The following GABRA3 variants were observed in gnomAD, a reference collection of about 807,000 sequenced individuals.
The protein encoded by GABRA3 is gamma-aminobutyric acid receptor subunit alpha-3.
Under a neutral mutation model 30.1 loss-of-function variants are expected in GABRA3, and 10 were observed. That is an observed-to-expected ratio of 0.33 (90% CI 0.20 to 0.56). The LOEUF is 0.56. GABRA3 is among the 20% of genes least tolerant of loss of function. GABRA3 has a pLI of 0.89. For synonymous variants in GABRA3, 151 were observed against 146.8 expected (o/e 1.03, Z -0.21); for missense variants, 233 against 392.0 (o/e 0.59, Z 3.42).
Position 152,411,703 on chromosome X carries a change from A to T in GABRA3, c.-27+39443T>A, listed in dbSNP as rs1204607739. On this transcript the variant is annotated intron_variant, in intron 1 of 9. Coordinates refer to ENST00000370314, the MANE Select transcript of GABRA3 (RefSeq NM_000808.4). ...ATACAACACCAAAAGCACAAGGAAC[A>T]AAATAAAAGATAGATAAATTGGATT... 5.4e-5 allele frequency among the ~76,000 whole-genome samples: 6 copies of T among 111,826 alleles called. No homozygotes were observed. The Admixed American group carries it at 5.7e-4, about 11-fold the overall frequency.
chrX:152,215,640 T>C (rs1475868215), intron 6 of GABRA3, among the ~76,000 whole-genome samples: 1 of 111,183 alleles, frequency 9.0e-6, no homozygotes, highest in African/African-American at 3.3e-5. Context: ...TGCTATAAAA[T>C]TACTAGAAGA....
At chrX:152,302,557 CAT>C (rs959510455) in intron 3 of GABRA3, among the ~76,000 whole-genome samples, 1 of 111,293 alleles carries the variant, frequency 9.0e-6, no homozygotes, top group African/African-American at 3.3e-5. Flanking sequence ...AGCTTATAAA[CAT>C]AGCCTGAAGG....
chrX:152,443,914 G>T (rs933756689), intron 1 of GABRA3, among the ~76,000 whole-genome samples: 1 of 111,575 alleles, frequency 9.0e-6, no homozygotes, highest in Non-Finnish European at 1.9e-5. Context: ...CCGATGTGGG[G>T]AAATGCTCAC....
intron 6 of GABRA3, among the ~76,000 whole-genome samples, chrX:152,220,243 G>T (rs1937807013): frequency 9.0e-6 from 1 of 111,536 alleles, no homozygotes; most frequent in South Asian, 3.7e-4. Context: ...CAACGGCAAT[G>T]ATGGATAAAA....
At chrX:152,233,653 C>A (rs1938134936) in intron 5 of GABRA3, among the ~76,000 whole-genome samples, 1 of 107,984 alleles carries the variant, frequency 9.3e-6, no homozygotes, top group Non-Finnish European at 1.9e-5. Flanking sequence ...CCTCAGGGAT[C>A]TAGAACTAGA....
At chrX:152,448,745 TCATAATTTTCTTTATGAAAATTC>T (rs1394939618) in intron 1 of GABRA3, among the ~76,000 whole-genome samples, 1 of 112,068 alleles carries the variant, frequency 8.9e-6, no homozygotes, top group African/African-American at 3.2e-5. Context: ...TTAGAAAATT[TCATAATTTTCTTTATGAAAATTC>T]CTGCCACTCA....
At position 152,168,000 on chromosome X, in the gene GABRA3, T is replaced by G; in HGVS notation, c.*228A>C. On this transcript the variant is annotated 3_prime_UTR_variant, in exon 10 of 10. Transcript: ENST00000370314. ...AGACTAAGATGAGCAACTGGACAAATGGCAGTGTTTGGCTTTGATGGGGTT... is the reference window on the plus strand; with the variant it reads ...AGACTAAGATGAGCAACTGGACAAAGGGCAGTGTTTGGCTTTGATGGGGTT... 1 of 406,793 alleles carries G rather than the reference T, an allele frequency of 2.5e-6. No individual in the cohort carries two copies. The allele number at this position is 406,793 out of a possible 1,213,427, so 33.5% of individuals were successfully genotyped here.
chrX:152,182,308 T>C (rs1264535745), intron 9 of GABRA3, among the ~76,000 whole-genome samples: 1 of 94,907 alleles, frequency 1.1e-5, no homozygotes, highest in Non-Finnish European at 2.0e-5. Flanking sequence ...GTTATATATA[T>C]ATATACACAC....
intron 1 of GABRA3, among the ~76,000 whole-genome samples, chrX:152,418,140 T>C (rs1602719232): frequency 9.0e-6 from 1 of 111,588 alleles, no homozygotes. Context: ...GGCCATCAGA[T>C]ACCAGTAAAG....
chrX:152,388,918 GA>G (rs1375115055), intron 1 of GABRA3, among the ~76,000 whole-genome samples: 2 of 94,970 alleles, frequency 2.1e-5, no homozygotes. Flanking sequence ...ATTTGGAGAT[GA>G]AAAAGGAAAA....
intron 1 of GABRA3, among the ~76,000 whole-genome samples, chrX:152,387,222 C>T (rs969249946): frequency 4.6e-5 from 5 of 108,692 alleles, no homozygotes; most frequent in Non-Finnish European, 9.5e-5. Flanking sequence ...GGGTGCAGCA[C>T]ACCAGCATGG....
chrX:152,421,817 G>A (rs1930379975), intron 1 of GABRA3, among the ~76,000 whole-genome samples: 1 of 111,630 alleles, frequency 9.0e-6, no homozygotes, highest in Non-Finnish European at 1.9e-5. Flanking sequence ...AAAGTCATCA[G>A]GGAAATGTAA....
At chrX:152,397,090 C>T (rs1929679598) in intron 1 of GABRA3, among the ~76,000 whole-genome samples, 1 of 111,482 alleles carries the variant, frequency 9.0e-6, no homozygotes, top group African/African-American at 3.3e-5. Flanking sequence ...GAGCCAAAGG[C>T]CATGGTGCAA....
At chrX:152,370,120 T>C in intron 1 of GABRA3, among the ~76,000 whole-genome samples, 1 of 112,393 alleles carries the variant, frequency 8.9e-6, no homozygotes, top group African/African-American at 3.2e-5. Context: ...CACCTGCTAC[T>C]GGGATAAGTC....
intron 4 of GABRA3, among the ~76,000 whole-genome samples, chrX:152,283,779 C>G (rs1030833332): frequency 9.8e-5 from 11 of 111,918 alleles, no homozygotes; most frequent in African/African-American, 3.6e-4. Flanking sequence ...AAAATAGACA[C>G]ACAGAAAAAA....
chrX:152,283,019 G>A (rs1939226093), intron 4 of GABRA3, among the ~76,000 whole-genome samples: 1 of 111,611 alleles, frequency 9.0e-6, no homozygotes, highest in Non-Finnish European at 1.9e-5. Context: ...CACCTGGTGA[G>A]TATGGTTGTC....
At chrX:152,190,172 A>C (rs962430742) in intron 8 of GABRA3, among the ~76,000 whole-genome samples, 3 of 111,568 alleles carry the variant, frequency 2.7e-5, no homozygotes, top group African/African-American at 9.8e-5. Flanking sequence ...AATGGATTAC[A>C]TTTAATTGTT....
intron 3 of GABRA3, among the ~76,000 whole-genome samples, chrX:152,316,696 C>T (rs1258804500): frequency 8.9e-6 from 1 of 111,894 alleles, no homozygotes; most frequent in Non-Finnish European, 1.9e-5. Flanking sequence ...AGGATTGGGG[C>T]CCTCGCTTCA....
chrX:152,434,125 T>C (rs1227465931), intron 1 of GABRA3, among the ~76,000 whole-genome samples: 2 of 111,745 alleles, frequency 1.8e-5, no homozygotes, highest in Admixed American at 9.5e-5. Context: ...GTATTGATCC[T>C]GGGTGTATCT....
Sources: gnomAD v4.1 joint callset for allele counts (sites outside exome capture counted in the v4.1 genomes callset) on GRCh38, gnomAD v4.1.1 for gene constraint, MANE v1.5 for transcripts, NCBI Gene and HGNC (gene_info 2026-07-23, HGNC 2026-07-21) for gene names.